The following DRC9 variants were observed in gnomAD, a reference collection of about 807,000 sequenced individuals.
DRC9 encodes the protein dynein regulatory complex subunit 9, also known as dynein regulatory complex protein 9.
the DRC9 span, chr3:197,943,611 C>G: frequency 1.5e-6 from 1 of 653,264 alleles, no homozygotes; most frequent in East Asian, 2.8e-5. Context: ...TACACTCCAG[C>G]TTAGGCCACA....
At chr3:197,921,519 T>C in the DRC9 span, among the ~76,000 whole-genome samples, 76 of 147,714 alleles carry the variant, frequency 5.1e-4, no homozygotes, top group African/African-American at 1.3e-3. Flanking sequence ...TCGACCCGAC[T>C]ACTGGTTTTC....
chr3:197,891,412 C>T, the DRC9 span: 1 of 1,137,164 alleles, frequency 8.8e-7, no homozygotes. Context: ...AGTGTTAAGC[C>T]AGCTGTGGCG....
At chr3:197,917,736 CTT>C in the DRC9 span, among the ~76,000 whole-genome samples, 7 of 146,182 alleles carry the variant, frequency 4.8e-5, no homozygotes, top group East Asian at 2.0e-4. Flanking sequence ...TCTCTTTTCT[CTT>C]TTTTTTTTTT....
chr3:197,919,552 A>G, the DRC9 span, among the ~76,000 whole-genome samples: 6 of 152,206 alleles, frequency 3.9e-5, no homozygotes, highest in African/African-American at 1.4e-4. Flanking sequence ...CAGACCAAAC[A>G]TTACTTCCAA....
the DRC9 span, among the ~76,000 whole-genome samples, chr3:197,936,375 G>GT: frequency 4.0e-5 from 6 of 151,340 alleles, no homozygotes; most frequent in South Asian, 2.1e-4. Flanking sequence ...TGCTTTTTAA[G>GT]TTTTTTTTTG....
chr3:197,945,586 A>G, the DRC9 span: 5 of 1,444,670 alleles, frequency 3.5e-6, no homozygotes, highest in Admixed American at 3.7e-5. Flanking sequence ...ATTTAAATAC[A>G]TGTATACAAA....
At chr3:197,947,692 G>T in the DRC9 span, among the ~76,000 whole-genome samples, 2 of 152,164 alleles carry the variant, frequency 1.3e-5, no homozygotes, top group African/African-American at 4.8e-5. Context: ...GACCCGTATG[G>T]AGTATATCCA....
the DRC9 span, chr3:197,913,325 TGTGCGTGCGTGC>T: frequency 1.6e-4 from 30 of 191,008 alleles, no homozygotes; most frequent in East Asian, 3.3e-3. Flanking sequence ...GCTTTGCGTG[TGTGCGTGCGTGC>T]GTGCGTGCGT....
At chr3:197,918,727 A>G in the DRC9 span, among the ~76,000 whole-genome samples, 10 of 152,358 alleles carry the variant, frequency 6.6e-5, no homozygotes, top group South Asian at 4.1e-4. Flanking sequence ...TCAGAGTAAC[A>G]GTCTGAAGAT....
At chr3:197,938,620 T>C in the DRC9 span, 146 of 1,614,044 alleles carry the variant, frequency 9.0e-5, no homozygotes, top group Non-Finnish European at 1.1e-4. Flanking sequence ...GAAGACAAGA[T>C]CCTGCATTTT....
the DRC9 span, among the ~76,000 whole-genome samples, chr3:197,889,935 A>C: frequency 6.6e-6 from 1 of 152,238 alleles, no homozygotes; most frequent in East Asian, 1.9e-4. Context: ...TCAAGTAAAA[A>C]TAAAGAAAAG....
chr3:197,931,190 G>A, the DRC9 span, among the ~76,000 whole-genome samples: 1 of 151,632 alleles, frequency 6.6e-6, no homozygotes, highest in Admixed American at 6.6e-5. Context: ...AACATCCAAA[G>A]AGAGTTCCAG....
At chr3:197,938,159 A>G in the DRC9 span, among the ~76,000 whole-genome samples, 7 of 151,874 alleles carry the variant, frequency 4.6e-5, no homozygotes, top group African/African-American at 1.7e-4. Flanking sequence ...CTACTAAAAA[A>G]TACAAAAATT....
At chr3:197,946,308 G>A in the DRC9 span, among the ~76,000 whole-genome samples, 1 of 151,784 alleles carries the variant, frequency 6.6e-6, no homozygotes, top group Non-Finnish European at 1.5e-5. Context: ...GGTGGCGGGT[G>A]CCTGTAGTCC....
the DRC9 span, among the ~76,000 whole-genome samples, chr3:197,914,415 T>C: frequency 6.6e-6 from 1 of 152,184 alleles, no homozygotes; most frequent in Non-Finnish European, 1.5e-5. Flanking sequence ...TCTCCAACTT[T>C]TTACTTTCTA....
At chr3:197,918,472 G>T in the DRC9 span, among the ~76,000 whole-genome samples, 1 of 151,978 alleles carries the variant, frequency 6.6e-6, no homozygotes, top group Admixed American at 6.6e-5. Flanking sequence ...TCATCAACTG[G>T]AATCCTTTTA....
the DRC9 span, chr3:197,956,024 AG>A: frequency 1.0e-5 from 5 of 487,066 alleles, no homozygotes; most frequent in Non-Finnish European, 1.5e-5. Context: ...GCTGGAGTGT[AG>A]TGGTGCTCGC....
At chr3:197,906,167 G>A in the DRC9 span, among the ~76,000 whole-genome samples, 3 of 152,188 alleles carry the variant, frequency 2.0e-5, no homozygotes, top group South Asian at 2.1e-4. Flanking sequence ...AGAGGGCGCT[G>A]GAGGCACACG....
At chr3:197,936,566 G>A in the DRC9 span, among the ~76,000 whole-genome samples, 1 of 152,078 alleles carries the variant, frequency 6.6e-6, no homozygotes, top group Admixed American at 6.6e-5. Flanking sequence ...ATTTCACTAT[G>A]TTACCCAGCT....
Sources: allele counts gnomAD v4.1 joint callset (sites outside exome capture counted in the v4.1 genomes callset), GRCh38; gene constraint gnomAD v4.1.1; transcripts MANE v1.5; gene names NCBI Gene and HGNC (gene_info 2026-07-23, HGNC 2026-07-21).